Variants in PRKCQ observed in about 807,000 individuals in gnomAD.
The protein encoded by PRKCQ is protein kinase C theta type.
PRKCQ carries 41 observed loss-of-function variants against 91.2 expected under a neutral mutation model. The observed-to-expected ratio is 0.45, with a 90% confidence interval of 0.35 to 0.58. The LOEUF (loss-of-function observed/expected upper bound fraction) is 0.58, where lower values mean the gene tolerates loss of function less well. Ranked by LOEUF, PRKCQ falls within the 20% of genes least tolerant of loss-of-function variation. The pLI is 0.00. For synonymous variants in PRKCQ, 307 were observed against 316.9 expected, an observed-to-expected ratio of 0.97 and a Z score of 0.33; for missense variants, 673 against 896.5, an observed-to-expected ratio of 0.75 and a Z score of 3.18.
intron 8 of PRKCQ, among the ~76,000 whole-genome samples, chr10:6,487,677 T>C (rs562749090): frequency 6.6e-6 from 1 of 152,260 alleles, no homozygotes; most frequent in Admixed American, 6.5e-5. Flanking sequence ...TTATTAGTTT[T>C]AGAAATTCAA....
intron 1 of PRKCQ, among the ~76,000 whole-genome samples, chr10:6,536,890 A>G (rs966646684): frequency 6.6e-6 from 1 of 152,190 alleles, no homozygotes; most frequent in African/African-American, 2.4e-5. Context: ...GAGGAAGGAG[A>G]GGCTGGAGGC....
chr10:6,498,586 G>A, intron 4 of PRKCQ, 28 bp from the exon 5 acceptor site: 4 of 1,608,114 alleles, frequency 2.5e-6, no homozygotes, highest in Non-Finnish European at 3.4e-6. Flanking sequence ...GGAAGAAAGT[G>A]AAGTTCTGCA....
chr10:6,398,935 T>C, the PRKCQ span, among the ~76,000 whole-genome samples: 2 of 152,076 alleles, frequency 1.3e-5, no homozygotes, highest in Non-Finnish European at 2.9e-5. Context: ...AAAAAAATTT[T>C]ATAGAGTTTT....
At chr10:6,395,266 G>T in the PRKCQ span, among the ~76,000 whole-genome samples, 3 of 151,894 alleles carry the variant, frequency 2.0e-5, no homozygotes, top group African/African-American at 7.3e-5. Flanking sequence ...GGTTTTCACC[G>T]TGTTAGCCAG....
chr10:6,476,313 C>CAAA (rs34526387), intron 12 of PRKCQ, among the ~76,000 whole-genome samples: 2,217 of 115,966 alleles, frequency 0.019, 58 homozygotes, highest in African/African-American at 0.061. Context: ...ACATGCAAAT[C>CAAA]AAAAAAAAAA....
intron 1 of PRKCQ, among the ~76,000 whole-genome samples, chr10:6,564,138 C>A (rs576042412): frequency 1.3e-4 from 20 of 152,204 alleles, no homozygotes; most frequent in Middle Eastern, 3.4e-3. Flanking sequence ...AACTCACGGG[C>A]CCCGCAAAGA....
At chr10:6,424,000 G>A (rs955581712), downstream of PRKCQ, among the ~76,000 whole-genome samples, 5 of 152,078 alleles carry the variant, frequency 3.3e-5, no homozygotes, top group Non-Finnish European at 7.4e-5. Context: ...TGGTAGGCTC[G>A]GTGGTAAAGA....
intron 8 of PRKCQ, among the ~76,000 whole-genome samples, chr10:6,488,467 C>G (rs1302791905): frequency 6.6e-6 from 1 of 151,340 alleles, no homozygotes; most frequent in African/African-American, 2.4e-5. Context: ...CTCACTGCAA[C>G]CTCGGCCTCC....
intron 1 of PRKCQ, among the ~76,000 whole-genome samples, chr10:6,532,450 C>T (rs939132583): frequency 1.3e-5 from 2 of 152,224 alleles, no homozygotes; most frequent in African/African-American, 4.8e-5. Flanking sequence ...AAATGTGCTT[C>T]GGTCTACAGT....
At chr10:6,521,906 TG>T (rs1224547922) in intron 1 of PRKCQ, among the ~76,000 whole-genome samples, 1,506 of 126,476 alleles carry the variant, frequency 0.012, 22 homozygotes, top group Middle Eastern at 0.029. Context: ...TGTTATGTGA[TG>T]TTATGTTATG....
chr10:6,510,922 A>G lies in PRKCQ; in HGVS notation c.318+73T>C, dbSNP rs546010836. Reference sequence around the variant, plus strand: ...AGTGTAATCACACCCTCAGATTGACATGGGAGTTCTGAGCCAGTCATCGGC... The same window carrying G: ...AGTGTAATCACACCCTCAGATTGACGTGGGAGTTCTGAGCCAGTCATCGGC... On this transcript the variant is annotated intron_variant, in intron 3 of 17. Coordinates refer to ENST00000263125, the MANE Select transcript of PRKCQ (RefSeq NM_006257.5). 4.5e-6 allele frequency: 7 copies of G among 1,563,806 alleles called. No homozygotes were observed. The South Asian group carries it at 4.5e-5, about 10-fold the overall frequency.
At chr10:6,559,159 G>A (rs184323304) in intron 1 of PRKCQ, among the ~76,000 whole-genome samples, 88 of 152,290 alleles carry the variant, frequency 5.8e-4, no homozygotes, top group Non-Finnish European at 9.6e-4. Flanking sequence ...AATGACCACA[G>A]TCAGATACCT....
chr10:6,469,964 G>T (rs1309673720), intron 12 of PRKCQ, among the ~76,000 whole-genome samples: 1 of 152,118 alleles, frequency 6.6e-6, no homozygotes, highest in Non-Finnish European at 1.5e-5. Flanking sequence ...CTCTTGTCTG[G>T]TTTCTCCATC....
rs767502636 is a variant in PRKCQ, at chr10:6,430,952, G to A, written c.1837-14C>T. The stretch of plus-strand genomic sequence containing the variant: ...TCGCACGAAGAGCTGAAAGGGAGCA[G>A]AGCAGGAGCCCTGAGGTCTCCAGGG... On this transcript the variant is annotated splice_polypyrimidine_tract_variant and intron_variant, in intron 16 of 17. Transcript: ENST00000263125. The surrounding 1 kb of genome is among the most constrained non-coding windows in gnomAD (Gnocchi z 4.7). 12 of 1,613,256 alleles carry A rather than the reference G, an allele frequency of 7.4e-6. No individual in the cohort carries two copies. The highest frequency in any genetic ancestry group is 3.3e-5 in the South Asian group (3 of 91,026).
intron 15 of PRKCQ, among the ~76,000 whole-genome samples, chr10:6,447,773 A>C (rs1800411126): frequency 6.6e-6 from 1 of 152,302 alleles, no homozygotes; most frequent in Non-Finnish European, 1.5e-5. Context: ...GGCCTTCCCC[A>C]GGCCACAGAG....
At chr10:6,555,036 CAAAT>C (rs1831812909) in intron 1 of PRKCQ, among the ~76,000 whole-genome samples, 1 of 151,806 alleles carries the variant, frequency 6.6e-6, no homozygotes, top group African/African-American at 2.4e-5. Flanking sequence ...AACAGATAAT[CAAAT>C]AATGCATATT....
At chr10:6,428,450 C>T in intron 17 of PRKCQ, 88 bp from the exon 18 acceptor site, 1 of 1,433,312 alleles carries the variant, frequency 7.0e-7, no homozygotes, top group Non-Finnish European at 9.5e-7. Context: ...AGGCCGTGAT[C>T]TGCGTATGGC....
chr10:6,483,698 G>A (rs766635960), intron 10 of PRKCQ, 98 bp from the exon 11 acceptor site: 13 of 1,405,370 alleles, frequency 9.3e-6, no homozygotes, highest in South Asian at 1.3e-5. Flanking sequence ...CCCATGCTGA[G>A]GCTCCATCAT....
chr10:6,563,668 A>C (rs926052050), intron 1 of PRKCQ, among the ~76,000 whole-genome samples: 2 of 151,988 alleles, frequency 1.3e-5, no homozygotes, highest in African/African-American at 4.8e-5. Flanking sequence ...CTTCCTGTAC[A>C]GGGTTTTCTG....
Sources: gnomAD v4.1 joint callset for allele counts (sites outside exome capture counted in the v4.1 genomes callset) on GRCh38, gnomAD v4.1.1 for gene constraint, Gnocchi (gnomAD v3.1) non-coding constraint, MANE v1.5 for transcripts, NCBI Gene and HGNC (gene_info 2026-07-23, HGNC 2026-07-21) for gene names.